EPB41L3: variants seen among roughly 807,000 people sequenced by gnomAD.
EPB41L3 encodes erythrocyte membrane protein band 4.1 like 3, also known as band 4.1-like protein 3.
EPB41L3 carries 57 observed loss-of-function variants against 127.1 expected under a neutral mutation model. The observed-to-expected ratio is 0.45, with a 90% CI of 0.36 to 0.56. The LOEUF is 0.56. Ranked by LOEUF, EPB41L3 falls within the 20% of genes least tolerant of loss-of-function variation. The pLI, the probability that EPB41L3 is intolerant of heterozygous loss-of-function variation, is 0.00. For synonymous variants in EPB41L3, 572 were observed against 549.5 expected (o/e 1.04, Z -0.57); for missense variants, 1,273 against 1,372.2 (o/e 0.93, Z 1.14).
rs187610304 is a variant in EPB41L3 at position 5,599,043 on chromosome 18, A to G, written c.-306+13297T>C. On this transcript the variant is annotated intron_variant, in intron 3 of 21. Transcript: ENST00000545076. Reference sequence around the variant, plus strand: ...GACATGCAGAATACGATGCAGAAGAACAAACATGTACTATGGAGAACAAAC... The same window carrying G: ...GACATGCAGAATACGATGCAGAAGAGCAAACATGTACTATGGAGAACAAAC... Among the ~76,000 whole-genome samples, 35 of 152,346 alleles carry G rather than the reference A, an allele frequency of 2.3e-4. No individual in the cohort carries two copies. In the East Asian group the frequency reaches 6.4e-3, roughly 28 times the overall value.
intron 16 of EPB41L3, chr18:5,398,511 A>C (rs1052534218): frequency 2.7e-5 from 11 of 403,924 alleles, no homozygotes; most frequent in Non-Finnish European, 4.3e-5. Context: ...CATGAAAAAA[A>C]ATTAAGAAGC....
chr18:5,438,149 A>T (rs371438604), intron 5 of EPB41L3, 39 bp from the exon 6 acceptor site: 2 of 1,587,992 alleles, frequency 1.3e-6, no homozygotes, highest in East Asian at 4.5e-5. Context: ...AACCTTGAGA[A>T]ATTCTTATGA....
At chr18:5,419,030 A>G (rs1454060941) in intron 12 of EPB41L3, among the ~76,000 whole-genome samples, 1 of 152,168 alleles carries the variant, frequency 6.6e-6, no homozygotes, top group Non-Finnish European at 1.5e-5. Context: ...ATTTTTCTGA[A>G]AAGTTGCTTT....
intron 10 of EPB41L3, 92 bp downstream of exon 10, chr18:5,424,170 G>C (rs2077847160): frequency 3.4e-6 from 3 of 878,758 alleles, no homozygotes; most frequent in Admixed American, 5.7e-5. Context: ...GGGATAGAAA[G>C]AATAAAATTC....
chr18:5,507,979 T>C (rs1425336401), intron 1 of EPB41L3, among the ~76,000 whole-genome samples: 6 of 152,212 alleles, frequency 3.9e-5, no homozygotes, highest in African/African-American at 1.4e-4. Context: ...CGTGCTTACA[T>C]GAACTCCACT....
chr18:5,543,779 G>T lies in EPB41L3; in HGVS notation c.-12+134C>A. The T allele has an allele frequency of 1.4e-6, 1 of 716,806 alleles. No individual in the cohort carries two copies. The highest frequency in any genetic ancestry group is 1.7e-6 in the Non-Finnish European group (1 of 585,416). 44.4% of individuals were successfully genotyped at this position (716,806 alleles called of 1,614,324 possible). ...CGGGCGCGGGGCTCGGGATTCGGGA[G>T]ACCGCGCGGCGCCGAAGCCACGCGT... On this transcript the variant is annotated intron_variant, in intron 1 of 22. Transcript: ENST00000341928. The surrounding 1 kb of genome is among the most constrained non-coding windows in gnomAD (Gnocchi z 5.2).
intron 13 of EPB41L3, 115 bp downstream of exon 13, chr18:5,415,703 C>T (rs1375638691): frequency 1.5e-5 from 17 of 1,125,792 alleles, no homozygotes; most frequent in Admixed American, 2.4e-5. Context: ...CATATTGGCA[C>T]AGACAATAAA....
At chr18:5,436,173 G>C (rs2079756039) in intron 6 of EPB41L3, among the ~76,000 whole-genome samples, 1 of 152,100 alleles carries the variant, frequency 6.6e-6, no homozygotes, top group Non-Finnish European at 1.5e-5. Context: ...GCACAGCCTA[G>C]TATATGGATA....
rs540496755 is a variant in EPB41L3, at chr18:5,509,346, T to C, written c.-11-20152A>G. 6.6e-5 allele frequency among the ~76,000 whole-genome samples: 10 copies of C among 152,336 alleles called. 1 individual carries two copies. Among genetic ancestry groups the C allele is most frequent in the Admixed American group, 6.5e-4 (10 of 15,308 alleles). On this transcript the variant is annotated intron_variant, in intron 1 of 22. Transcript: ENST00000341928. ...AGGACCACACTAAGGTGTCCATTCC[T>C]GGGGAACACCAACTAGCTCATCAGA...
Position 5,395,659 on chromosome 18 carries a change from T to C in EPB41L3, c.3022A>G (p.Thr1008Ala), listed in dbSNP as rs765087190. Reference protein sequence around the residue: ...LEPGVLMSAQTITSETTSTTT... With the variant: ...LEPGVLMSAQAITSETTSTTT... ...GTACTGGTGGTTTCAGATGTGATCG[T>C]CTGTGCACTCATCAGCACGCCTGGC... The change falls in exon 20 of 23, where the codon ACG (threonine) becomes GCG (alanine). Residue 1008 changes from threonine (T) to alanine (A), a missense_variant. Coordinates refer to ENST00000341928, the MANE Select transcript of EPB41L3 (RefSeq NM_012307.5). The C allele has an allele frequency of 6.2e-7, 1 of 1,614,178 alleles. No homozygotes were observed. Among genetic ancestry groups the C allele is most frequent in the South Asian group, 1.1e-5 (1 of 91,078 alleles).
At chr18:5,398,485 G>A (rs1567977048) in intron 16 of EPB41L3, 20 of 414,760 alleles carry the variant, frequency 4.8e-5, no homozygotes, top group Admixed American at 8.3e-5. Context: ...ACTTTGCACT[G>A]CGGTATTGAT....
intron 3 of EPB41L3, chr18:5,610,202 C>CAT: frequency 1.0e-6 from 1 of 985,366 alleles, no homozygotes; most frequent in Non-Finnish European, 1.2e-6. Flanking sequence ...TTGGCAGGTC[C>CAT]ATATTCCATG....
chr18:5,408,662 A>T lies in EPB41L3; in HGVS notation c.2122-926T>A, dbSNP rs542315458. 1.1e-3 allele frequency among the ~76,000 whole-genome samples: 171 copies of T among 149,336 alleles called. 1 individual carries two copies. The highest frequency in any genetic ancestry group is 3.1e-3 in the African/African-American group (125 of 40,712). On this transcript the variant is annotated intron_variant, in intron 14 of 22. Coordinates refer to ENST00000341928, the MANE Select transcript of EPB41L3 (RefSeq NM_012307.5). The stretch of plus-strand genomic sequence containing the variant: ...ACTAAGAAAGTTTTTTTTTTTTTTT[A>T]AAAGAAGTCAGCTACTATTAACAAC...
Position 5,397,001 on chromosome 18 carries a change from C to T in EPB41L3, c.2841+57G>A. 2 of 1,504,994 alleles carry T rather than the reference C, an allele frequency of 1.3e-6. No individual in the cohort carries two copies. The highest frequency in any genetic ancestry group is 1.8e-6 in the Non-Finnish European group (2 of 1,128,530). 93.2% of individuals were successfully genotyped at this position (1,504,994 alleles called of 1,614,324 possible). On this transcript the variant is annotated intron_variant, in intron 18 of 22. Coordinates refer to ENST00000341928, the MANE Select transcript of EPB41L3 (RefSeq NM_012307.5). This position sits in a 1 kb window ranked among gnomAD's most constrained non-coding sequence, Gnocchi z 4.1. Reference sequence around the variant, plus strand: ...CCACCTTTATGCTGATCTAAATTTCCAGGCATCCTATATCAGTTTTATTTT... The same window carrying T: ...CCACCTTTATGCTGATCTAAATTTCTAGGCATCCTATATCAGTTTTATTTT...
intron 3 of EPB41L3, among the ~76,000 whole-genome samples, chr18:5,588,066 T>A (rs773088396): frequency 1.3e-5 from 2 of 152,094 alleles, no homozygotes; most frequent in Non-Finnish European, 2.9e-5. Context: ...TAAATAAATA[T>A]AAGGTACTAC....
chr18:5,526,169 A>G (rs1381090617), intron 1 of EPB41L3, among the ~76,000 whole-genome samples: 1 of 152,240 alleles, frequency 6.6e-6, no homozygotes, highest in Non-Finnish European at 1.5e-5. Flanking sequence ...CATGCTAAAG[A>G]GTAATAACAT....
At chr18:5,400,354 T>C in intron 16 of EPB41L3, 2 of 350,804 alleles carry the variant, frequency 5.7e-6, no homozygotes, top group Non-Finnish European at 1.1e-5. Flanking sequence ...GTTTACATTT[T>C]AAACTAGAAT....
At position 5,434,087 on chromosome 18, in the gene EPB41L3, C is replaced by T. The variant is rs775170222; in HGVS notation, c.640G>A (p.Val214Met). ...YLCLQLRDDI[V>M]SGRLPCSFVT... ...AAGGAGCAGGGCAGCCTTCCGGACA[C>T]GATGTCATCTCGCAACTGCAAGCAG... Residue 214 changes from valine to methionine, a missense_variant, in exon 7 of 23, where the codon GTG (valine) becomes ATG (methionine). Val to Met is a conservative substitution (Grantham distance 21). Around this residue, in one of 3 missense-constraint regions of EPB41L3, gnomAD observed 326 missense variants for 440.2 expected, o/e 0.74. Coordinates refer to ENST00000341928, the MANE Select transcript of EPB41L3 (RefSeq NM_012307.5). 1.2e-5 allele frequency: 19 copies of T among 1,613,970 alleles called. No individual in the cohort carries two copies. The highest frequency in any genetic ancestry group is 2.2e-5 in the East Asian group (1 of 44,884).
chr18:5,565,366 C>T (rs1017124480), intron 3 of EPB41L3, among the ~76,000 whole-genome samples: 1 of 151,926 alleles, frequency 6.6e-6, no homozygotes, highest in African/African-American at 2.4e-5. Context: ...GAGCCAAGAT[C>T]GTGCCATTGC....
Sources: gnomAD v4.1 joint callset for allele counts (sites outside exome capture counted in the v4.1 genomes callset) on GRCh38, gnomAD v4.1.1 for gene constraint, gnomAD v4.1.1 regional missense constraint, Gnocchi (gnomAD v3.1) non-coding constraint, MANE v1.5 for transcripts, NCBI Gene and HGNC (gene_info 2026-07-23, HGNC 2026-07-21) for gene names.